CSE1L: variants seen among roughly 807,000 people sequenced by gnomAD.
CSE1L encodes the protein exportin-2.
Under a neutral mutation model 120.4 loss-of-function variants are expected in CSE1L, and 24 were observed. That is an observed-to-expected ratio of 0.20 (90% CI 0.14 to 0.28). CSE1L has a LOEUF of 0.28. CSE1L is among the 10% of genes least tolerant of loss of function. The pLI is 1.00. For missense variants in CSE1L, 830 were observed against 1,145.2 expected (o/e 0.72, Z 3.97); for synonymous variants, 402 against 398.3 (o/e 1.01, Z -0.11).
intron 1 of CSE1L, among the ~76,000 whole-genome samples, chr20:49,055,450 G>A (rs1300135570): frequency 2.6e-5 from 4 of 152,056 alleles, no homozygotes; most frequent in African/African-American, 9.7e-5. Flanking sequence ...GGTATGGTGG[G>A]TCATGCCTGT....
intron 1 of CSE1L, among the ~76,000 whole-genome samples, chr20:49,050,766 C>G (rs1250094053): frequency 6.6e-6 from 1 of 151,810 alleles, no homozygotes; most frequent in Admixed American, 6.6e-5. Flanking sequence ...CTATTGTTGC[C>G]AAGTCTGGTC....
chr20:49,088,344 C>T (rs2092075683), intron 17 of CSE1L, among the ~76,000 whole-genome samples: 1 of 152,124 alleles, frequency 6.6e-6, no homozygotes, highest in South Asian at 2.1e-4. Context: ...ACAAAAGTAA[C>T]ATGTTTATTG....
At chr20:49,072,846 G>C in intron 10 of CSE1L, 149 bp downstream of exon 10, 1 of 860,846 alleles carries the variant, frequency 1.2e-6, no homozygotes, top group Admixed American at 3.6e-5. Flanking sequence ...TGTAGTATCT[G>C]TAATGAGTTT....
chr20:49,061,493 ATTT>A (rs2091853104), intron 2 of CSE1L, among the ~76,000 whole-genome samples: 7 of 139,764 alleles, frequency 5.0e-5, no homozygotes, highest in African/African-American at 1.6e-4. Context: ...ATTATTATTT[ATTT>A]ATTTATTTAT....
intron 6 of CSE1L, among the ~76,000 whole-genome samples, chr20:49,068,171 AT>A (rs2091907901): frequency 6.6e-6 from 1 of 152,098 alleles, no homozygotes; most frequent in African/African-American, 2.4e-5. Context: ...ATATATTTTT[AT>A]ATATGCACAG....
chr20:49,093,959 A>T (rs2092121293), intron 22 of CSE1L, among the ~76,000 whole-genome samples, 181 bp from the exon 23 acceptor site: 1 of 151,974 alleles, frequency 6.6e-6, no homozygotes, highest in African/African-American at 2.4e-5. Flanking sequence ...ATTTGGCTAC[A>T]GGGTAGAGGT....
intron 3 of CSE1L, among the ~76,000 whole-genome samples, chr20:49,063,929 C>G (rs1008782656): frequency 2.6e-5 from 4 of 152,134 alleles, no homozygotes; most frequent in Non-Finnish European, 5.9e-5. Context: ...GAGATTAAAC[C>G]TATTTTATAA....
chr20:49,066,149 T>C (rs776366568), intron 3 of CSE1L, 43 bp from the exon 4 acceptor site: 13 of 1,483,586 alleles, frequency 8.8e-6, no homozygotes, highest in East Asian at 4.5e-5. Context: ...TGGACATGAA[T>C]GTGGATTTTG....
At chr20:49,087,887 G>T in intron 16 of CSE1L, 122 bp from the exon 17 acceptor site, 1 of 609,394 alleles carries the variant, frequency 1.6e-6, no homozygotes, top group Non-Finnish European at 2.8e-6. Context: ...GAGCTATCTC[G>T]GGGTTGTCTA....
intron 14 of CSE1L, among the ~76,000 whole-genome samples, chr20:49,083,085 T>G (rs1010287499): frequency 1.3e-5 from 2 of 151,558 alleles, no homozygotes; most frequent in Admixed American, 6.6e-5. Context: ...AGTGCAGTGG[T>G]GCAGTCTCAG....
chr20:49,083,150 G>A (rs564669456), intron 14 of CSE1L, among the ~76,000 whole-genome samples: 3 of 151,412 alleles, frequency 2.0e-5, no homozygotes, highest in Admixed American at 6.6e-5. Flanking sequence ...TCAGCCTCCC[G>A]AGTAGCTGGG....
rs780686706 is a variant in CSE1L at position 49,067,286 on chromosome 20, G to A, written c.567+6G>A. On this transcript the variant is annotated splice_donor_region_variant and intron_variant, in intron 6 of 24. Coordinates refer to ENST00000262982, the MANE Select transcript of CSE1L (RefSeq NM_001316.4). The stretch of plus-strand genomic sequence containing the variant: ...CTTTGACTAATCTTTTTAAGGTATG[G>A]AATGCATCTTGGTGATATTTTTAAA... The A allele has an allele frequency of 2.6e-6, 4 of 1,558,046 alleles. No individual in the cohort carries two copies. Among genetic ancestry groups the A allele is most frequent in the South Asian group, 2.3e-5 (2 of 87,554 alleles).
At chr20:49,095,310 A>G (rs561228701) in intron 24 of CSE1L, among the ~76,000 whole-genome samples, 23 of 151,922 alleles carry the variant, frequency 1.5e-4, no homozygotes, top group African/African-American at 5.5e-4. Context: ...ATGTGGTAGC[A>G]TTTTTTTATT....
In CSE1L at chr20:49,089,958, G is replaced by GA. The variant is rs1032584892; in HGVS notation, c.2181+220dup. On this transcript the variant is annotated intron_variant, in intron 19 of 24. Coordinates refer to ENST00000262982, the MANE Select transcript of CSE1L (RefSeq NM_001316.4). ...CGTGGTGAGATCTATCTCTACAAAGGAAAAAAAAGCTTTTTAATTAGTTGG... is the reference window on the plus strand; with the variant it reads ...CGTGGTGAGATCTATCTCTACAAAGGAAAAAAAAAGCTTTTTAATTAGTTGG... 9.2e-5 allele frequency among the ~76,000 whole-genome samples: 14 copies of GA among 151,376 alleles called. No individual in the cohort carries two copies. The East Asian group carries it at 1.4e-3, about 15-fold the overall frequency.
chr20:49,053,254 G>T (rs1040652380), intron 1 of CSE1L, among the ~76,000 whole-genome samples: 1 of 148,516 alleles, frequency 6.7e-6, no homozygotes, highest in Non-Finnish European at 1.5e-5. Flanking sequence ...AATCCCCAAA[G>T]GTAGAATAAA....
At chr20:49,046,702 G>C (rs1246617804) in intron 1 of CSE1L, among the ~76,000 whole-genome samples, 2 of 152,254 alleles carry the variant, frequency 1.3e-5, no homozygotes, top group Non-Finnish European at 2.9e-5. Flanking sequence ...GGCCTAACGC[G>C]AGCCTGCGGA....
chr20:49,079,419 G>A (rs954191579), intron 14 of CSE1L, among the ~76,000 whole-genome samples: 2 of 148,884 alleles, frequency 1.3e-5, no homozygotes, highest in African/African-American at 5.0e-5. Context: ...GTAGTGATGG[G>A]GTTTCCCCAT....
chr20:49,065,312 AATTTT>A (rs1384171688), intron 3 of CSE1L, among the ~76,000 whole-genome samples: 17 of 79,396 alleles, frequency 2.1e-4, no homozygotes, highest in African/African-American at 3.6e-4. Context: ...ATGAAAAAAA[AATTTT>A]TTTTTTTTTT....
chr20:49,090,134 A>C (rs1171184297), intron 19 of CSE1L, among the ~76,000 whole-genome samples: 1 of 152,038 alleles, frequency 6.6e-6, no homozygotes, highest in African/African-American at 2.4e-5. Context: ...CTTAAAAAAA[A>C]TAATAATAAT....
Sources: allele counts gnomAD v4.1 joint callset (sites outside exome capture counted in the v4.1 genomes callset), GRCh38; gene constraint gnomAD v4.1.1; transcripts MANE v1.5; gene names NCBI Gene and HGNC (gene_info 2026-07-23, HGNC 2026-07-21).